GLB1L3: variants seen among roughly 807,000 people sequenced by gnomAD.
GLB1L3 encodes the protein galactosidase beta 1 like 3, also known as beta-galactosidase-1-like protein 3.
A neutral mutation model predicts 89.5 loss-of-function variants in GLB1L3; 89 were observed. The observed-to-expected ratio is 0.99, with a 90% CI of 0.84 to 1.19. GLB1L3 has a LOEUF of 1.19. Among genes scored for constraint, GLB1L3 ranks in the 50% most tolerant of loss-of-function variants. The pLI, the probability that GLB1L3 is intolerant of heterozygous loss-of-function variation, is 0.00. For synonymous variants in GLB1L3, 314 were observed against 312.3 expected (o/e 1.01, Z -0.06); for missense variants, 812 against 813.3 (o/e 1.00, Z 0.02).
rs1941525894 is a variant in GLB1L3, at chr11:134,294,436, G to C, written c.876+1227G>C. On this transcript the variant is annotated intron_variant, in intron 9 of 19. Coordinates refer to ENST00000431683, the MANE Select transcript of GLB1L3 (RefSeq NM_001080407.3). ...GGCCCTGCCAGGGCTCTGTGGATCT[G>C]TGGCTATCTCTAGTTTTTCAATACC... 2.0e-5 allele frequency among the ~76,000 whole-genome samples: 3 copies of C among 152,218 alleles called. No homozygotes were observed. The South Asian group carries it at 6.2e-4, about 32-fold the overall frequency.
chr11:134,302,876 A>G (rs556583938), intron 9 of GLB1L3, among the ~76,000 whole-genome samples: 12 of 152,128 alleles, frequency 7.9e-5, no homozygotes, highest in African/African-American at 2.4e-4. Context: ...TCTATTTCCA[A>G]TTGATTTTTT....
At chr11:134,286,281 G>A (rs962427792) in intron 6 of GLB1L3, among the ~76,000 whole-genome samples, 4 of 152,188 alleles carry the variant, frequency 2.6e-5, no homozygotes, top group African/African-American at 4.8e-5. Context: ...GTGAGAGAGA[G>A]CTTAGGAATG....
chr11:134,313,333 CG>C, intron 15 of GLB1L3, 62 bp from the exon 16 acceptor site: 1 of 1,305,840 alleles, frequency 7.7e-7, no homozygotes, highest in Non-Finnish European at 1.1e-6. Context: ...AGTGAAAAAA[CG>C]GGTTGTCGGG....
chr11:134,313,998 C>T lies in GLB1L3; in HGVS notation c.1637C>T (p.Ser546Phe). 6.2e-7 allele frequency: 1 copy of T among 1,612,530 alleles called. No homozygotes were observed. The highest frequency in any genetic ancestry group is 8.5e-7 in the Non-Finnish European group (1 of 1,178,870). The change falls in exon 17 of 20, where the codon TCC (serine) becomes TTC (phenylalanine). Residue 546 changes from serine to phenylalanine, a missense_variant. This residue lies in a region of GLB1L3 where 618 missense variants were observed against 604.0 expected (regional missense o/e 1.02). Transcript: ENST00000431683. The part of the protein sequence containing the change: ...NSSLEGFTIY[S>F]LEMKMSFFER... Reference sequence around the variant, plus strand: ...TCCCTGGAGGGCTTTACCATCTATTCCCTGGAGATGAAAATGAGCTTCTTT... The same window carrying T: ...TCCCTGGAGGGCTTTACCATCTATTTCCTGGAGATGAAAATGAGCTTCTTT...
chr11:134,288,955 C>G, intron 7 of GLB1L3, 65 bp downstream of exon 7: 1 of 1,127,246 alleles, frequency 8.9e-7, no homozygotes, highest in Non-Finnish European at 1.3e-6. Flanking sequence ...GTTTCTGATT[C>G]CTGGATGCAT....
chr11:134,283,667 G>C, intron 5 of GLB1L3, 70 bp from the exon 6 acceptor site: 5 of 838,358 alleles, frequency 6.0e-6, no homozygotes, highest in Non-Finnish European at 9.8e-6. Context: ...AGCCGGGGCA[G>C]CTCTGAGCCC....
At chr11:134,282,958 G>A (rs999518270) in intron 5 of GLB1L3, among the ~76,000 whole-genome samples, 2 of 152,222 alleles carry the variant, frequency 1.3e-5, no homozygotes, top group South Asian at 2.1e-4. Context: ...CCAGTGACCT[G>A]GAGTGGGTGG....
downstream of GLB1L3, among the ~76,000 whole-genome samples, chr11:134,322,446 T>C (rs1378760445): frequency 6.6e-6 from 1 of 152,206 alleles, no homozygotes; most frequent in Non-Finnish European, 1.5e-5. Context: ...GTAAACTCTT[T>C]TAAAGTCTAC....
At chr11:134,323,416 C>G (rs1408546934), downstream of GLB1L3, among the ~76,000 whole-genome samples, 1 of 150,568 alleles carries the variant, frequency 6.6e-6, no homozygotes, top group Non-Finnish European at 1.5e-5. Context: ...CACACACACA[C>G]ACACACACAA....
chr11:134,322,836 T>G (rs1389639510), downstream of GLB1L3, among the ~76,000 whole-genome samples: 2 of 152,242 alleles, frequency 1.3e-5, no homozygotes, highest in African/African-American at 2.4e-5. Context: ...TTTGAGTTGT[T>G]TCCACTTTTT....
chr11:134,287,629 A>G (rs1267415146), intron 6 of GLB1L3, among the ~76,000 whole-genome samples: 2 of 152,248 alleles, frequency 1.3e-5, no homozygotes, highest in African/African-American at 2.4e-5. Context: ...ACTCGCTGAG[A>G]ATATTTATGT....
chr11:134,295,707 T>C (rs975097204), intron 9 of GLB1L3, among the ~76,000 whole-genome samples: 22 of 152,350 alleles, frequency 1.4e-4, no homozygotes, highest in African/African-American at 5.1e-4. Flanking sequence ...TTTAGCTTAC[T>C]GAGTTGGAAC....
intron 9 of GLB1L3, among the ~76,000 whole-genome samples, chr11:134,296,836 T>TATAATA (rs371941998): frequency 0.028 from 3,938 of 142,308 alleles, 85 homozygotes; most frequent in African/African-American, 0.043. Context: ...AAACTTAAAG[T>TATAATA]ATAATAATAA....
chr11:134,287,567 G>A (rs1050587706), intron 6 of GLB1L3, among the ~76,000 whole-genome samples: 1 of 152,222 alleles, frequency 6.6e-6, no homozygotes, highest in African/African-American at 2.4e-5. Flanking sequence ...CTCACCCTTC[G>A]GGTTGGAGAG....
chr11:134,302,630 C>A (rs1942004907), intron 9 of GLB1L3, among the ~76,000 whole-genome samples: 1 of 152,052 alleles, frequency 6.6e-6, no homozygotes, highest in Non-Finnish European at 1.5e-5. Flanking sequence ...ACATGGAATA[C>A]TTTCTTTGTT....
chr11:134,293,014 G>C, intron 8 of GLB1L3, 131 bp from the exon 9 acceptor site: 1 of 733,622 alleles, frequency 1.4e-6, no homozygotes, highest in Non-Finnish European at 2.4e-6. Flanking sequence ...GTGGGGTCCA[G>C]ACAGCATCTC....
intron 6 of GLB1L3, among the ~76,000 whole-genome samples, chr11:134,287,999 C>T (rs1000515443): frequency 1.3e-5 from 2 of 152,172 alleles, no homozygotes; most frequent in East Asian, 1.9e-4. Context: ...AAAGCTCAGA[C>T]CTTGGCTTTC....
intron 5 of GLB1L3, among the ~76,000 whole-genome samples, 192 bp from the exon 6 acceptor site, chr11:134,283,545 C>A (rs1207779656): frequency 1.3e-5 from 2 of 152,126 alleles, no homozygotes; most frequent in Non-Finnish European, 2.9e-5. Flanking sequence ...CGTTTCCTTT[C>A]AAATCCCACA....
intron 6 of GLB1L3, among the ~76,000 whole-genome samples, chr11:134,284,815 A>G (rs1940892590): frequency 6.6e-6 from 1 of 152,098 alleles, no homozygotes; most frequent in Non-Finnish European, 1.5e-5. Flanking sequence ...GTTGTAAAAA[A>G]ATAACTTGCA....
Sources: allele counts gnomAD v4.1 joint callset (sites outside exome capture counted in the v4.1 genomes callset), GRCh38; gene constraint gnomAD v4.1.1; regional missense constraint gnomAD v4.1.1; transcripts MANE v1.5; gene names NCBI Gene and HGNC (gene_info 2026-07-23, HGNC 2026-07-21).